PEX5L: variants seen among roughly 807,000 people sequenced by gnomAD.
PEX5L encodes the protein PEX5-related protein.
A neutral mutation model predicts 84.0 loss-of-function variants in PEX5L; 30 were observed. The ratio of observed to expected loss-of-function variants is 0.36; its 90% confidence interval spans 0.27 to 0.48. The LOEUF (loss-of-function observed/expected upper bound fraction) is 0.48, where lower values mean the gene tolerates loss of function less well. PEX5L is among the 20% of genes least tolerant of loss of function. The probability of loss-of-function intolerance (pLI) is 0.99; values close to 1 mark genes in which losing one functional copy is unlikely to be tolerated. For missense variants in PEX5L, 533 were observed against 754.6 expected, an observed-to-expected ratio of 0.71 and a Z score of 3.44; for synonymous variants, 270 against 283.1, an observed-to-expected ratio of 0.95 and a Z score of 0.46.
intron 3 of PEX5L, among the ~76,000 whole-genome samples, chr3:179,891,409 C>A (rs371096782): frequency 4.6e-5 from 7 of 152,148 alleles, no homozygotes; most frequent in African/African-American, 1.7e-4. Flanking sequence ...GCGTGAAAGA[C>A]CAGATTACAG....
chr3:179,848,461 G>GA (rs1207326589), intron 8 of PEX5L, among the ~76,000 whole-genome samples: 2 of 148,944 alleles, frequency 1.3e-5, no homozygotes, highest in Non-Finnish European at 3.0e-5. Context: ...TGAGGTGTGA[G>GA]AATTGCTTGA....
chr3:179,994,430 T>C (rs1024528082), intron 1 of PEX5L, among the ~76,000 whole-genome samples: 2 of 152,204 alleles, frequency 1.3e-5, no homozygotes, highest in African/African-American at 4.8e-5. Flanking sequence ...CCATGGCCTC[T>C]TTGTTACCCC....
intron 1 of PEX5L, among the ~76,000 whole-genome samples, chr3:179,985,854 G>A (rs1368833612): frequency 6.6e-6 from 1 of 152,032 alleles, no homozygotes; most frequent in African/African-American, 2.4e-5. Context: ...TCTGACCCAG[G>A]CTTCCAGTCC....
intron 1 of PEX5L, among the ~76,000 whole-genome samples, chr3:180,032,079 C>T (rs984687312): frequency 1.3e-5 from 2 of 152,094 alleles, no homozygotes; most frequent in African/African-American, 4.8e-5. Flanking sequence ...TAATGCATAC[C>T]ACAACTATTA....
intron 5 of PEX5L, among the ~76,000 whole-genome samples, chr3:179,876,900 T>C (rs1020531091): frequency 2.2e-4 from 33 of 152,182 alleles, no homozygotes; most frequent in African/African-American, 8.0e-4. Flanking sequence ...TTCTTGGTTT[T>C]TGGAATATTT....
At chr3:179,958,104 A>G (rs1578973171) in intron 2 of PEX5L, among the ~76,000 whole-genome samples, 1 of 152,184 alleles carries the variant, frequency 6.6e-6, no homozygotes, top group African/African-American at 2.4e-5. Context: ...AGGAAAAAAT[A>G]TATTTTCCAG....
intron 8 of PEX5L, among the ~76,000 whole-genome samples, chr3:179,855,259 T>C (rs1743475276): frequency 6.6e-6 from 1 of 152,192 alleles, no homozygotes. Context: ...AATCAGATGA[T>C]ATAAAAACAT....
intron 2 of PEX5L, among the ~76,000 whole-genome samples, chr3:179,945,638 G>A (rs755811316): frequency 2.0e-5 from 3 of 152,158 alleles, no homozygotes; most frequent in Non-Finnish European, 2.9e-5. Flanking sequence ...CGCTTGAAAG[G>A]TCAATAAACA....
At chr3:179,976,282 A>G (rs1218967226) in intron 1 of PEX5L, among the ~76,000 whole-genome samples, 1 of 152,232 alleles carries the variant, frequency 6.6e-6, no homozygotes, top group African/African-American at 2.4e-5. Flanking sequence ...AAAACTTTCA[A>G]TGTATTTGGC....
At chr3:179,878,471 A>G (rs532891913) in intron 5 of PEX5L, among the ~76,000 whole-genome samples, 116 of 152,284 alleles carry the variant, frequency 7.6e-4, no homozygotes, top group African/African-American at 2.6e-3. Flanking sequence ...CATGACATCC[A>G]AGGATTCCTA....
chr3:179,878,268 T>C lies in PEX5L; in HGVS notation c.505+1661A>G, dbSNP rs562747287. ...TCTTTGTTTCCAAGTCTTGTTTTAATATTTTTTGGAACCTGTCTCTCTCTT... is the reference window on the plus strand; with the variant it reads ...TCTTTGTTTCCAAGTCTTGTTTTAACATTTTTTGGAACCTGTCTCTCTCTT... On this transcript the variant is annotated intron_variant, in intron 5 of 14. Transcript: ENST00000467460. 3.1e-4 allele frequency among the ~76,000 whole-genome samples: 47 copies of C among 152,354 alleles called. 1 individual carries two copies. The highest frequency in any genetic ancestry group is 2.5e-3 in the South Asian group (12 of 4,824).
At chr3:179,813,189 C>T (rs1049437410) in intron 10 of PEX5L, among the ~76,000 whole-genome samples, 3 of 152,072 alleles carry the variant, frequency 2.0e-5, no homozygotes, top group Admixed American at 1.3e-4. Context: ...TAGCCTTTGG[C>T]CATGGTGTCA....
At chr3:179,820,016 C>T (rs1490821807) in intron 8 of PEX5L, 40 bp from the exon 9 acceptor site, 1 of 1,612,690 alleles carries the variant, frequency 6.2e-7, no homozygotes, top group African/African-American at 1.3e-5. Flanking sequence ...GATTTAAGAA[C>T]ATGCCACATC....
chr3:179,795,312 A>C lies in PEX5L; in HGVS notation c.*6516T>G, dbSNP rs1309006722. 6.6e-6 allele frequency: 1 copy of C among 152,248 alleles called. No individual in the cohort carries two copies. The highest frequency in any genetic ancestry group is 1.5e-5 in the Non-Finnish European group (1 of 68,038). 9.4% of individuals were successfully genotyped at this position (152,248 alleles called of 1,614,324 possible). On this transcript the variant is annotated 3_prime_UTR_variant, in exon 15 of 15. Coordinates refer to ENST00000467460, the MANE Select transcript of PEX5L (RefSeq NM_016559.3). ...TATAAATACAATTTAATAATGTGAA[A>C]AAGGGAAGGCATGCTTCCAATAATA...
chr3:179,945,247 T>A (rs1777195686), intron 2 of PEX5L, among the ~76,000 whole-genome samples: 1 of 152,128 alleles, frequency 6.6e-6, no homozygotes, highest in African/African-American at 2.4e-5. Context: ...CAGGGTGAAA[T>A]CACCTAAATT....
chr3:179,968,836 A>G (rs1784046133), intron 2 of PEX5L, among the ~76,000 whole-genome samples: 2 of 152,108 alleles, frequency 1.3e-5, no homozygotes. Context: ...AATTTTGTCA[A>G]TACAATTTCA....
intron 9 of PEX5L, among the ~76,000 whole-genome samples, chr3:179,818,074 G>T (rs992292069): frequency 1.3e-5 from 2 of 152,118 alleles, no homozygotes; most frequent in Non-Finnish European, 2.9e-5. Flanking sequence ...TATGTAGATT[G>T]CAGATCTACT....
chr3:179,899,210 C>G (rs887043949), intron 2 of PEX5L, among the ~76,000 whole-genome samples: 2 of 152,030 alleles, frequency 1.3e-5, no homozygotes, highest in Non-Finnish European at 2.9e-5. Context: ...CAAAATATTA[C>G]CTTTCCATCC....
chr3:179,855,961 C>T (rs891493605), intron 8 of PEX5L, among the ~76,000 whole-genome samples: 2 of 152,198 alleles, frequency 1.3e-5, no homozygotes, highest in Non-Finnish European at 2.9e-5. Flanking sequence ...AAGACAAACT[C>T]TATGTTCATA....
Sources: gnomAD v4.1 joint callset for allele counts (sites outside exome capture counted in the v4.1 genomes callset) on GRCh38, gnomAD v4.1.1 for gene constraint, MANE v1.5 for transcripts, NCBI Gene and HGNC (gene_info 2026-07-23, HGNC 2026-07-21) for gene names.